The following DLG2 variants were observed in gnomAD, a reference collection of about 807,000 sequenced individuals.
DLG2 encodes the protein discs large MAGUK scaffold protein 2.
DLG2 carries 45 observed loss-of-function variants against 132.5 expected under a neutral mutation model. That is an observed-to-expected ratio of 0.34 (90% CI 0.27 to 0.44). DLG2 has a LOEUF of 0.44. Ranked by LOEUF, DLG2 falls within the 20% of genes least tolerant of loss-of-function variation. DLG2 has a pLI of 1.00. For synonymous variants in DLG2, 424 were observed against 419.6 expected (o/e 1.01, Z -0.13); for missense variants, 1,045 against 1,196.9 (o/e 0.87, Z 1.87).
chr11:84,065,368 A>C (rs1211098247), intron 10 of DLG2, among the ~76,000 whole-genome samples: 1 of 151,946 alleles, frequency 6.6e-6, no homozygotes, highest in African/African-American at 2.4e-5. Flanking sequence ...TAAATTTACA[A>C]GGAAAAACCA....
chr11:84,873,429 C>T (rs1455590469), intron 6 of DLG2, among the ~76,000 whole-genome samples: 1 of 152,200 alleles, frequency 6.6e-6, no homozygotes, highest in Admixed American at 6.5e-5. Context: ...CTTCTGACTT[C>T]AGGAAATGTA....
intron 3 of DLG2, among the ~76,000 whole-genome samples, chr11:85,410,714 C>A (rs2089233710): frequency 6.6e-6 from 1 of 151,718 alleles, no homozygotes; most frequent in South Asian, 2.1e-4. Flanking sequence ...TGGTCTCAGC[C>A]CTCATGAAGC....
At chr11:84,538,405 C>T (rs2099360557) in intron 6 of DLG2, among the ~76,000 whole-genome samples, 1 of 152,186 alleles carries the variant, frequency 6.6e-6, no homozygotes, top group Non-Finnish European at 1.5e-5. Context: ...GAACATTACC[C>T]TTAGGTGATT....
intron 18 of DLG2, among the ~76,000 whole-genome samples, chr11:83,657,742 G>A (rs934114178): frequency 5.3e-5 from 8 of 151,878 alleles, no homozygotes; most frequent in South Asian, 2.1e-4. Context: ...GGGTTTCACC[G>A]CATTAGCCAG....
At chr11:84,259,157 G>A (rs1262533677) in intron 7 of DLG2, among the ~76,000 whole-genome samples, 1 of 151,604 alleles carries the variant, frequency 6.6e-6, no homozygotes, top group Non-Finnish European at 1.5e-5. Context: ...CTGTAACCCA[G>A]CTACTTGGGA....
chr11:85,351,230 G>A (rs2083265446), intron 3 of DLG2, among the ~76,000 whole-genome samples: 1 of 152,172 alleles, frequency 6.6e-6, no homozygotes, highest in South Asian at 2.1e-4. Context: ...TGGTGTATAG[G>A]AATGCTTGTG....
chr11:84,192,987 T>A (rs1435570849), intron 8 of DLG2, among the ~76,000 whole-genome samples: 3 of 151,968 alleles, frequency 2.0e-5, no homozygotes, highest in African/African-American at 7.2e-5. Flanking sequence ...GCTTTAAAAT[T>A]AAAAAAAATT....
chr11:84,227,780 G>C (rs2097024752), intron 8 of DLG2, among the ~76,000 whole-genome samples: 1 of 151,970 alleles, frequency 6.6e-6, no homozygotes, highest in African/African-American at 2.4e-5. Flanking sequence ...TAGCTGTGGT[G>C]GTACACGCCT....
intron 6 of DLG2, among the ~76,000 whole-genome samples, chr11:84,708,196 C>T (rs2059977507): frequency 6.6e-6 from 1 of 151,726 alleles, no homozygotes; most frequent in Admixed American, 6.6e-5. Context: ...TCTTAATGTG[C>T]CTTAGTGTTC....
At chr11:85,445,595 G>A (rs145329084) in intron 3 of DLG2, among the ~76,000 whole-genome samples, 2,888 of 152,168 alleles carry the variant, frequency 0.019, 44 homozygotes, top group Middle Eastern at 0.055. Flanking sequence ...CAGGAGAATC[G>A]CCTGAACCTG....
chr11:83,993,980 T>C (rs1263320476), intron 11 of DLG2, among the ~76,000 whole-genome samples: 1 of 152,144 alleles, frequency 6.6e-6, no homozygotes, highest in Admixed American at 6.6e-5. Flanking sequence ...TCGGTGGATC[T>C]TGAAAAATTT....
rs576797488 is a variant in DLG2 at position 84,384,891 on chromosome 11, T to C, written c.520-133600A>G. ...AAGACTTCACAACAGGAGTTCATGATACATTCAAAGGCAACTTTAACTGAG... is the reference window on the plus strand; with the variant it reads ...AAGACTTCACAACAGGAGTTCATGACACATTCAAAGGCAACTTTAACTGAG... On this transcript the variant is annotated intron_variant, in intron 7 of 27. Transcript: ENST00000376104. Among the ~76,000 whole-genome samples, 58 of 152,238 alleles carry C rather than the reference T, an allele frequency of 3.8e-4. 1 individual carries two copies. The South Asian group carries it at 0.012, about 31-fold the overall frequency.
At chr11:83,748,008 C>A (rs1324023049) in intron 18 of DLG2, among the ~76,000 whole-genome samples, 2 of 152,056 alleles carry the variant, frequency 1.3e-5, no homozygotes. Context: ...AATTAATAAC[C>A]CATGATCACA....
intron 7 of DLG2, among the ~76,000 whole-genome samples, chr11:84,348,551 G>A (rs1051931135): frequency 6.6e-6 from 1 of 152,174 alleles, no homozygotes; most frequent in African/African-American, 2.4e-5. Flanking sequence ...ATGCATGTAG[G>A]TAAGCTATGA....
chr11:84,797,720 C>G (rs1163921799), intron 6 of DLG2, among the ~76,000 whole-genome samples: 1 of 152,136 alleles, frequency 6.6e-6, no homozygotes, highest in East Asian at 1.9e-4. Context: ...GGTTTAGTCA[C>G]TGGTGTTTTG....
At chr11:85,401,696 T>G (rs184994548) in intron 3 of DLG2, among the ~76,000 whole-genome samples, 8 of 151,958 alleles carry the variant, frequency 5.3e-5, no homozygotes, top group Non-Finnish European at 1.2e-4. Flanking sequence ...ACACTAATAA[T>G]AGACAAACAG....
At chr11:84,829,435 G>C (rs1315880675) in intron 6 of DLG2, among the ~76,000 whole-genome samples, 1 of 151,556 alleles carries the variant, frequency 6.6e-6, no homozygotes, top group South Asian at 2.1e-4. Context: ...ATACTTTTGT[G>C]GTTATAAGGC....
chr11:85,124,630 T>C (rs1055435160), intron 5 of DLG2, among the ~76,000 whole-genome samples: 4 of 152,176 alleles, frequency 2.6e-5, no homozygotes, highest in Non-Finnish European at 5.9e-5. Context: ...ACACATATTC[T>C]CAGATTGCCT....
At chr11:83,672,855 G>C (rs1357830130) in intron 18 of DLG2, among the ~76,000 whole-genome samples, 1 of 152,202 alleles carries the variant, frequency 6.6e-6, no homozygotes, top group East Asian at 1.9e-4. Flanking sequence ...GAGGTCAGGA[G>C]TGTGAGACCA....
Sources: allele counts gnomAD v4.1 joint callset (sites outside exome capture counted in the v4.1 genomes callset), GRCh38; gene constraint gnomAD v4.1.1; transcripts MANE v1.5; gene names NCBI Gene and HGNC (gene_info 2026-07-23, HGNC 2026-07-21).